The following B4GALT5 variants were observed in gnomAD, a reference collection of about 807,000 sequenced individuals.
B4GALT5 encodes the protein beta-1,4-galactosyltransferase 5, also known as UDP-Gal:beta-GlcNAc beta-1,4-galactosyltransferase 5.
A neutral mutation model predicts 45.0 loss-of-function variants in B4GALT5; 11 were observed. The observed-to-expected ratio is 0.24, with a 90% CI of 0.15 to 0.40. B4GALT5 has a LOEUF of 0.40. B4GALT5 is among the 10% of genes least tolerant of loss of function. The probability of loss-of-function intolerance (pLI) is 1.00; values close to 1 mark genes in which losing one functional copy is unlikely to be tolerated. For missense variants in B4GALT5, 337 were observed against 500.2 expected, an observed-to-expected ratio of 0.67 and a Z score of 3.11; for synonymous variants, 185 against 182.9, an observed-to-expected ratio of 1.01 and a Z score of -0.09.
chr20:49,666,834 C>G (rs3787325), intron 1 of B4GALT5, among the ~76,000 whole-genome samples: 2 of 152,040 alleles, frequency 1.3e-5, no homozygotes, highest in East Asian at 3.9e-4. Flanking sequence ...ACCTTACCCC[C>G]AAACAAGCAG....
chr20:49,680,928 A>G (rs2085761392), intron 1 of B4GALT5, among the ~76,000 whole-genome samples: 1 of 152,200 alleles, frequency 6.6e-6, no homozygotes. Flanking sequence ...ACAATTTAAA[A>G]AAACTGTACA....
intron 1 of B4GALT5, among the ~76,000 whole-genome samples, chr20:49,683,328 G>C (rs1663355783): frequency 6.6e-6 from 1 of 151,560 alleles, no homozygotes; most frequent in Admixed American, 6.6e-5. Context: ...TAAATTGTCA[G>C]GTAAATGGTT....
chr20:49,661,777 A>G (rs2085665890), intron 1 of B4GALT5, among the ~76,000 whole-genome samples: 1 of 152,202 alleles, frequency 6.6e-6, no homozygotes, highest in Non-Finnish European at 1.5e-5. Flanking sequence ...AAATTCAACA[A>G]ATTACAATGC....
At chr20:49,688,165 G>A (rs2085794680) in intron 1 of B4GALT5, among the ~76,000 whole-genome samples, 1 of 152,182 alleles carries the variant, frequency 6.6e-6, no homozygotes. Flanking sequence ...ATAGAGACAA[G>A]GGCCTAGGAT....
chr20:49,645,400 A>C (rs1204892079), intron 3 of B4GALT5, among the ~76,000 whole-genome samples: 1 of 152,204 alleles, frequency 6.6e-6, no homozygotes, highest in African/African-American at 2.4e-5. Context: ...GTGTTACTCA[A>C]GTGTTTCTGG....
chr20:49,713,086 T>G (rs565546793), intron 1 of B4GALT5, among the ~76,000 whole-genome samples: 62 of 128,790 alleles, frequency 4.8e-4, no homozygotes, highest in African/African-American at 1.7e-3. Context: ...TGGGGGAGGA[T>G]GGATGGGAGC....
chr20:49,694,480 A>G (rs1317391562), intron 1 of B4GALT5, among the ~76,000 whole-genome samples: 2 of 151,966 alleles, frequency 1.3e-5, no homozygotes, highest in African/African-American at 2.4e-5. Context: ...AGGGAGACCT[A>G]GTCCCTACAA....
chr20:49,666,728 A>C (rs1310852946), intron 1 of B4GALT5, among the ~76,000 whole-genome samples: 1 of 152,246 alleles, frequency 6.6e-6, no homozygotes, highest in Non-Finnish European at 1.5e-5. Flanking sequence ...AGGAATGTTG[A>C]AGTTTGATTT....
At chr20:49,684,758 G>A in intron 1 of B4GALT5, 1 of 463,564 alleles carries the variant, frequency 2.2e-6, no homozygotes. Flanking sequence ...GAGAACAGAG[G>A]TGGCATGCGG....
chr20:49,668,475 C>T (rs1020108708), intron 1 of B4GALT5, among the ~76,000 whole-genome samples: 3 of 152,002 alleles, frequency 2.0e-5, no homozygotes, highest in Non-Finnish European at 2.9e-5. Flanking sequence ...GTACCAATAT[C>T]CACATGCACA....
At chr20:49,652,520 T>C (rs1458485391) in intron 2 of B4GALT5, among the ~76,000 whole-genome samples, 1 of 150,424 alleles carries the variant, frequency 6.6e-6, no homozygotes, top group East Asian at 2.0e-4. Flanking sequence ...GACTACAGAC[T>C]GGACATCTAA....
chr20:49,648,066 A>G (rs1236768779), intron 2 of B4GALT5, among the ~76,000 whole-genome samples: 2 of 151,872 alleles, frequency 1.3e-5, no homozygotes, highest in Non-Finnish European at 2.9e-5. Context: ...AACTTTGAAG[A>G]GCTCTTGTTT....
At chr20:49,689,648 G>A (rs1020539162) in intron 1 of B4GALT5, among the ~76,000 whole-genome samples, 1 of 152,036 alleles carries the variant, frequency 6.6e-6, no homozygotes. Context: ...GCGGAGATCA[G>A]TATACTTCCT....
intron 1 of B4GALT5, among the ~76,000 whole-genome samples, chr20:49,656,938 C>T (rs1014021224): frequency 1.1e-4 from 16 of 152,086 alleles, no homozygotes; most frequent in African/African-American, 3.1e-4. Context: ...CTAGAAAAAG[C>T]ATCAACTTAA....
At chr20:49,656,328 T>A (rs1176218892) in intron 2 of B4GALT5, among the ~76,000 whole-genome samples, 1 of 152,328 alleles carries the variant, frequency 6.6e-6, no homozygotes, top group South Asian at 2.1e-4. Context: ...TAAATCCTTT[T>A]TCTTTGTAAA....
intron 2 of B4GALT5, among the ~76,000 whole-genome samples, chr20:49,651,953 C>T (rs2085624579): frequency 6.8e-6 from 1 of 146,096 alleles, no homozygotes; most frequent in African/African-American, 2.6e-5. Flanking sequence ...GTGGCACCCA[C>T]CTGGTGTCCC....
intron 1 of B4GALT5, among the ~76,000 whole-genome samples, chr20:49,681,038 G>C (rs141833805): frequency 0.014 from 2,130 of 151,850 alleles, 25 homozygotes; most frequent in Middle Eastern, 0.027. Context: ...CTGGGAAACA[G>C]AGTTAAACCT....
At chr20:49,695,132 A>C (rs2146356646) in intron 1 of B4GALT5, among the ~76,000 whole-genome samples, 1 of 148,350 alleles carries the variant, frequency 6.7e-6, no homozygotes, top group South Asian at 2.1e-4. Context: ...TAACTAATGC[A>C]GTTTTTGCAC....
At chr20:49,648,429 A>C (rs2123006490) in intron 2 of B4GALT5, among the ~76,000 whole-genome samples, 1 of 152,282 alleles carries the variant, frequency 6.6e-6, no homozygotes, top group East Asian at 1.9e-4. Context: ...GCTTTTTAAC[A>C]GCTTTCAATC....
Sources: gnomAD v4.1 joint callset for allele counts (sites outside exome capture counted in the v4.1 genomes callset) on GRCh38, gnomAD v4.1.1 for gene constraint, MANE v1.5 for transcripts, NCBI Gene and HGNC (gene_info 2026-07-23, HGNC 2026-07-21) for gene names.